The following MTF1 variants were observed in gnomAD, a reference collection of about 807,000 sequenced individuals.
MTF1 encodes MRE-binding transcription factor.
A neutral mutation model predicts 70.4 loss-of-function variants in MTF1; 22 were observed. That is an observed-to-expected ratio of 0.31 (90% CI 0.22 to 0.45). The LOEUF (loss-of-function observed/expected upper bound fraction) is 0.45. Among genes scored for constraint, MTF1 ranks in the 20% least tolerant of loss-of-function variants. MTF1 has a pLI of 1.00. For synonymous variants in MTF1, 333 were observed against 352.8 expected (o/e 0.94, Z 0.63); for missense variants, 649 against 922.0 (o/e 0.70, Z 3.83).
chr1:37,833,452 TG>T (rs1471505150), intron 6 of MTF1, among the ~76,000 whole-genome samples: 2 of 152,200 alleles, frequency 1.3e-5, no homozygotes, highest in Non-Finnish European at 2.9e-5. Flanking sequence ...AAGTGAACTC[TG>T]GAGTCCCAGA....
rs1224065267 is a variant in MTF1 at position 37,811,036 on chromosome 1, A to T, written c.*4100T>A. On this transcript the variant is annotated 3_prime_UTR_variant, in exon 11 of 11. Coordinates refer to ENST00000373036, the MANE Select transcript of MTF1 (RefSeq NM_005955.3). ...AATCAATGGTTTCAATCACTCTGGA[A>T]AAGTCTTTAAGGACAATGGATGTGA... The T allele has an allele frequency of 6.5e-6, 1 of 152,688 alleles. No homozygotes were observed. Among genetic ancestry groups the T allele is most frequent in the East Asian group, 1.9e-4 (1 of 5,206 alleles). The allele number at this position is 152,688 out of a possible 1,614,324, so 9.5% of individuals were successfully genotyped here.
intron 7 of MTF1, among the ~76,000 whole-genome samples, chr1:37,827,843 CT>C (rs1483055155): frequency 1.3e-5 from 2 of 152,114 alleles, no homozygotes; most frequent in South Asian, 4.1e-4. Context: ...ATGGCAATTA[CT>C]TTTGACCAAC....
intron 6 of MTF1, among the ~76,000 whole-genome samples, chr1:37,833,942 T>C (rs1334967584): frequency 1.3e-5 from 2 of 151,888 alleles, no homozygotes; most frequent in Non-Finnish European, 2.9e-5. Flanking sequence ...GGAAGAAAAG[T>C]AGGCAGGGCA....
chr1:37,822,181 T>G lies in MTF1; in HGVS notation c.1707A>C (p.Glu569Asp), dbSNP rs1640920091. ...CATTTAATATCCATTGTAAGTTCTG[T>G]TCTCCCATGACTAGGCTGGACTGCA... ...AILQSSLVMG[E>D]QNLQWILNGA... Residue 569 changes from glutamate to aspartate, a missense_variant, in exon 9 of 11, where the codon GAA becomes GAC. Transcript: ENST00000373036. 1.2e-6 allele frequency: 2 copies of G among 1,613,792 alleles called. No homozygotes were observed. The highest frequency in any genetic ancestry group is 1.3e-5 in the African/African-American group (1 of 75,052).
chr1:37,824,795 C>T (rs1292839827), intron 7 of MTF1, among the ~76,000 whole-genome samples: 1 of 152,118 alleles, frequency 6.6e-6, no homozygotes, highest in Non-Finnish European at 1.5e-5. Flanking sequence ...CTATGATATT[C>T]TAGTATGTAT....
At chr1:37,841,623 C>A in intron 2 of MTF1, 1 of 174,274 alleles carries the variant, frequency 5.7e-6, no homozygotes, top group South Asian at 1.4e-4. Context: ...ACCACCTCAT[C>A]AAGACCCACA....
At chr1:37,859,042 G>A (rs548475981) in intron 1 of MTF1, among the ~76,000 whole-genome samples, 48 of 152,320 alleles carry the variant, frequency 3.2e-4, no homozygotes, top group Middle Eastern at 3.4e-3. Context: ...GGGAGGTACC[G>A]GCCCGACCCC....
intron 7 of MTF1, 99 bp downstream of exon 7, chr1:37,832,146 A>G (rs903861632): frequency 2.7e-6 from 2 of 753,606 alleles, no homozygotes; most frequent in Non-Finnish European, 4.5e-6. Context: ...AATTAAATTT[A>G]GAAAACTTCA....
At chr1:37,832,822 T>G (rs1454594954) in intron 6 of MTF1, among the ~76,000 whole-genome samples, 1 of 151,922 alleles carries the variant, frequency 6.6e-6, no homozygotes, top group Non-Finnish European at 1.5e-5. Context: ...CTGGCCAACA[T>G]AGTGAAACCC....
intron 7 of MTF1, among the ~76,000 whole-genome samples, chr1:37,829,451 C>A (rs1641051166): frequency 6.6e-6 from 1 of 152,134 alleles, no homozygotes; most frequent in Non-Finnish European, 1.5e-5. Context: ...CAGGCATGAG[C>A]CACTGCACAT....
Position 37,857,596 on chromosome 1 carries a change from G to A in MTF1, c.63C>T (p.Thr21=). 2 of 1,614,100 alleles carry A rather than the reference G, an allele frequency of 1.2e-6. No individual in the cohort carries two copies. Among genetic ancestry groups the A allele is most frequent in the South Asian group, 1.1e-5 (1 of 91,078 alleles). ...CAAACCTGAGCATTTTATCATCGGG[G>A]GTCAGCTCATCTTCCTCTGCCTCAA... ...IYFEAEEDEL[T]PDDKMLRFVD... is the part of the protein sequence containing the mutation. The change falls in exon 2 of 11, where the codon ACC becomes ACT. Residue 21 remains threonine (T), a synonymous_variant. Coordinates refer to ENST00000373036, the MANE Select transcript of MTF1 (RefSeq NM_005955.3).
At chr1:37,836,644 C>T (rs1641174266) in intron 4 of MTF1, among the ~76,000 whole-genome samples, 1 of 152,174 alleles carries the variant, frequency 6.6e-6, no homozygotes, top group Non-Finnish European at 1.5e-5. Context: ...CTGGTATCTG[C>T]TCTCCTAGAG....
intron 6 of MTF1, among the ~76,000 whole-genome samples, chr1:37,833,817 A>AT (rs1641123644): frequency 6.6e-6 from 1 of 151,972 alleles, no homozygotes; most frequent in Non-Finnish European, 1.5e-5. Context: ...AACCATGCAC[A>AT]TATCTAGAGA....
In MTF1 at chr1:37,822,547, G is replaced by A; in HGVS notation, c.1341C>T (p.Pro447=). 1 of 1,614,136 alleles carries A rather than the reference G, an allele frequency of 6.2e-7. No homozygotes were observed. The highest frequency in any genetic ancestry group is 8.5e-7 in the Non-Finnish European group (1 of 1,180,030). Reference sequence around the variant, plus strand: ...CTTGCTGGGAGCCAGGTCCTAGGGAGGGAGCAGGCGGAGGAGCAGACGGAG... The same window carrying A: ...CTTGCTGGGAGCCAGGTCCTAGGGAAGGAGCAGGCGGAGGAGCAGACGGAG... ...ASAPSAPPPA[P]SLGPGSQQAA... The change falls in exon 9 of 11, where the codon CCC becomes CCT. Residue 447 remains proline (P), a synonymous_variant. Coordinates refer to ENST00000373036, the MANE Select transcript of MTF1 (RefSeq NM_005955.3).
At chr1:37,830,046 G>A (rs1001235087) in intron 7 of MTF1, among the ~76,000 whole-genome samples, 2 of 152,066 alleles carry the variant, frequency 1.3e-5, no homozygotes, top group African/African-American at 2.4e-5. Context: ...CAGAAAGCTC[G>A]TTAGTCATAT....
rs1640796281 is a variant in MTF1 at position 37,815,214 on chromosome 1, GGT to G, written c.2182_2183del (p.Thr728ProfsTer8). 1 of 1,614,096 alleles carries G rather than the reference GGT, an allele frequency of 6.2e-7. No homozygotes were observed. Among genetic ancestry groups the G allele is most frequent in the Non-Finnish European group, 8.5e-7 (1 of 1,179,994 alleles). ...CTTCAATGGGAATCAGATTGGACGG[GGT>G]GTCCAGGCTCTGGAGGGATAGAAAC... ...SEFLSLQSLD[T>X]PSNLIPIEAL... On this transcript the variant is annotated frameshift_variant, in exon 11 of 11. Transcript: ENST00000373036. LOFTEE classifies it high-confidence loss of function. This position sits in a 1 kb window ranked among gnomAD's most constrained non-coding sequence, Gnocchi z 4.5.
At position 37,815,032 on chromosome 1, in the gene MTF1, A is replaced by G; in HGVS notation, c.*104T>C. On this transcript the variant is annotated 3_prime_UTR_variant, in exon 11 of 11. Coordinates refer to ENST00000373036, the MANE Select transcript of MTF1 (RefSeq NM_005955.3). The surrounding 1 kb of genome is among the most constrained non-coding windows in gnomAD (Gnocchi z 4.5). ...CGTCTGAAAGGTGAGGATTTCAAAC[A>G]GTAGATTTCTTCATCCTTCAAATTT... 1 of 897,528 alleles carries G rather than the reference A, an allele frequency of 1.1e-6. No individual in the cohort carries two copies. 55.6% of individuals were successfully genotyped at this position (897,528 alleles called of 1,614,324 possible).
chr1:37,858,026 A>AAG (rs1553149981), intron 1 of MTF1, among the ~76,000 whole-genome samples: 2 of 151,640 alleles, frequency 1.3e-5, no homozygotes, highest in Admixed American at 6.6e-5. Flanking sequence ...AAAAAAAAAA[A>AAG]AAAAAGAAAA....
chr1:37,821,256 C>T (rs887943628), intron 9 of MTF1, among the ~76,000 whole-genome samples: 1 of 151,414 alleles, frequency 6.6e-6, no homozygotes, highest in Non-Finnish European at 1.5e-5. Context: ...TCAATAAAGT[C>T]CAAAAAAAAG....
Sources: allele counts gnomAD v4.1 joint callset (sites outside exome capture counted in the v4.1 genomes callset), GRCh38; gene constraint gnomAD v4.1.1; non-coding constraint Gnocchi (gnomAD v3.1); transcripts MANE v1.5; gene names NCBI Gene and HGNC (gene_info 2026-07-23, HGNC 2026-07-21).